TBC1D15: variants seen among roughly 807,000 people sequenced by gnomAD.
The protein encoded by TBC1D15 is GAP for RAB7.
TBC1D15 carries 39 observed loss-of-function variants against 95.4 expected under a neutral mutation model. That is an observed-to-expected ratio of 0.41 (90% confidence interval 0.32 to 0.53). The LOEUF (loss-of-function observed/expected upper bound fraction) is 0.53. Ranked by LOEUF, TBC1D15 falls within the 20% of genes least tolerant of loss-of-function variation. TBC1D15 has a pLI of 0.29. For missense variants in TBC1D15, 733 were observed against 794.3 expected, an observed-to-expected ratio of 0.92 and a Z score of 0.93; for synonymous variants, 258 against 261.3, an observed-to-expected ratio of 0.99 and a Z score of 0.12.
At chr12:71,896,138 T>C in intron 8 of TBC1D15, 63 bp downstream of exon 8, 1 of 1,448,234 alleles carries the variant, frequency 6.9e-7, no homozygotes, top group South Asian at 1.5e-5. Context: ...GTTTTGTTGT[T>C]ATCGTTACTG....
chr12:71,917,570 A>AT, intron 12 of TBC1D15, 128 bp from the exon 13 acceptor site: 1 of 531,146 alleles, frequency 1.9e-6, no homozygotes, highest in Non-Finnish European at 3.1e-6. Context: ...TTAGTTACGC[A>AT]TTTTTTAAGA....
rs148007091 is a variant in TBC1D15 at position 71,880,497 on chromosome 12, A to T, written c.233A>T (p.Gln78Leu). Residue 78 changes from glutamine to leucine, a missense_variant, in exon 4 of 17, where the codon CAG (glutamine) becomes CTG (leucine). Gln to Leu is a moderately radical substitution (Grantham distance 113). Coordinates refer to ENST00000485960, the MANE Select transcript of TBC1D15 (RefSeq NM_001146213.3). ...KDSSSVVEWT[Q>L]APKERGHRGS... Reference sequence around the variant, plus strand: ...TCCAGTTCAGTTGTAGAATGGACTCAGGCCCCAAAAGAAAGAGGTCATCGA... The same window carrying T: ...TCCAGTTCAGTTGTAGAATGGACTCTGGCCCCAAAAGAAAGAGGTCATCGA... 1.4e-5 allele frequency: 22 copies of T among 1,606,926 alleles called. No homozygotes were observed. Among genetic ancestry groups the T allele is most frequent in the Non-Finnish European group, 1.9e-5 (22 of 1,175,718 alleles).
chr12:71,920,350 CT>C (rs1040706581), intron 14 of TBC1D15, among the ~76,000 whole-genome samples: 2 of 152,066 alleles, frequency 1.3e-5, no homozygotes, highest in Non-Finnish European at 2.9e-5. Context: ...TAGCTTTAGT[CT>C]TTTCTCAGAT....
At chr12:71,868,639 G>GA (rs535183442) in intron 1 of TBC1D15, among the ~76,000 whole-genome samples, 2 of 151,558 alleles carry the variant, frequency 1.3e-5, no homozygotes, top group Non-Finnish European at 2.9e-5. Flanking sequence ...TTTCTTAAGT[G>GA]AAAAAAAATA....
In TBC1D15 at chr12:71,894,704, T is replaced by C. The variant is rs1222225435; in HGVS notation, c.676T>C (p.Tyr226His). The change falls in exon 7 of 17, where the codon TAT (tyrosine) becomes CAT (histidine). Residue 226 changes from tyrosine to histidine, a missense_variant. By Grantham distance (83) the Tyr-to-His change is moderately conservative. Transcript: ENST00000485960. ...TGCATAGAAAATTAAAAAGGACCCT[T>C]ATACGGCAACTATGATAGGATTTTC... ...GLIQKIKKDP[Y>H]TATMIGFSKV... 1 of 1,612,922 alleles carries C rather than the reference T, an allele frequency of 6.2e-7. No individual in the cohort carries two copies. Among genetic ancestry groups the C allele is most frequent in the East Asian group, 2.2e-5 (1 of 44,844 alleles).
At position 71,920,795 on chromosome 12, in the gene TBC1D15, C is replaced by G; in HGVS notation, c.1664C>G (p.Ser555Ter). ...HLLLCCAILE[S>*]EKQQIMEKHY... ...CTTCTCTGTTGTGCTATTCTGGAATCAGAAAAGCAGCAAATAATGGAAAAG... is the reference window on the plus strand; with the variant it reads ...CTTCTCTGTTGTGCTATTCTGGAATGAGAAAAGCAGCAAATAATGGAAAAG... The change falls in exon 15 of 17, where the codon TCA (serine) becomes TGA (stop). Residue 555 changes from serine to a stop codon, truncating the protein, a stop_gained. Coordinates refer to ENST00000485960, the MANE Select transcript of TBC1D15 (RefSeq NM_001146213.3). LOFTEE classifies it high-confidence loss of function. The G allele has an allele frequency of 6.2e-7, 1 of 1,612,536 alleles. No homozygotes were observed. The highest frequency in any genetic ancestry group is 8.5e-7 in the Non-Finnish European group (1 of 1,179,370).
chr12:71,910,145 C>T (rs1432876743), intron 11 of TBC1D15, among the ~76,000 whole-genome samples: 3 of 151,904 alleles, frequency 2.0e-5, no homozygotes, highest in Non-Finnish European at 4.4e-5. Context: ...TTGTTTTTCT[C>T]AGGTTTGTCA....
At chr12:71,892,698 G>T (rs1416901781) in intron 5 of TBC1D15, among the ~76,000 whole-genome samples, 1 of 151,596 alleles carries the variant, frequency 6.6e-6, no homozygotes, top group African/African-American at 2.4e-5. Flanking sequence ...CATGATTAAT[G>T]ATCTTTATCA....
At chr12:71,903,399 ATGCT>A (rs1899912734) in intron 10 of TBC1D15, among the ~76,000 whole-genome samples, 1 of 152,214 alleles carries the variant, frequency 6.6e-6, no homozygotes, top group Non-Finnish European at 1.5e-5. Flanking sequence ...AGAAAAGGGA[ATGCT>A]TATACAGTGC....
At chr12:71,905,777 T>C (rs1900540692) in intron 10 of TBC1D15, among the ~76,000 whole-genome samples, 1 of 152,202 alleles carries the variant, frequency 6.6e-6, no homozygotes, top group Non-Finnish European at 1.5e-5. Context: ...AGCTAAAATA[T>C]TTGAATAATT....
intron 10 of TBC1D15, among the ~76,000 whole-genome samples, chr12:71,906,757 A>G (rs1441000253): frequency 6.6e-6 from 1 of 152,050 alleles, no homozygotes; most frequent in Non-Finnish European, 1.5e-5. Flanking sequence ...GTTTTCCACT[A>G]TGCAGTTAAA....
At chr12:71,858,595 T>C (rs1889679995) in intron 1 of TBC1D15, among the ~76,000 whole-genome samples, 1 of 148,116 alleles carries the variant, frequency 6.8e-6, no homozygotes, top group Admixed American at 6.7e-5. Flanking sequence ...TCTTTGTTGC[T>C]CAGGCTGGAG....
At chr12:71,856,538 T>C (rs328783) in intron 1 of TBC1D15, among the ~76,000 whole-genome samples, 4,085 of 152,300 alleles carry the variant, frequency 0.027, 182 homozygotes, top group African/African-American at 0.092. Context: ...TGATTGTAAT[T>C]TCCATTGACC....
Position 71,894,776 on chromosome 12 carries a change from T to C in TBC1D15, c.748T>C (p.Ser250Pro). ...TGACAGTTTGAGAGGCAGCGATCCCTCTACACATCAACGACCACCTTCAGA... is the reference window on the plus strand; with the variant it reads ...TGACAGTTTGAGAGGCAGCGATCCCCCTACACATCAACGACCACCTTCAGA... ...IFDSLRGSDP[S>P]THQRPPSEMA... is the part of the protein sequence containing the mutation. Residue 250 changes from serine to proline, a missense_variant, in exon 7 of 17, where the codon TCT becomes CCT. Coordinates refer to ENST00000485960, the MANE Select transcript of TBC1D15 (RefSeq NM_001146213.3). The C allele has an allele frequency of 3.1e-6, 5 of 1,613,394 alleles. No homozygotes were observed. The highest frequency in any genetic ancestry group is 4.2e-6 in the Non-Finnish European group (5 of 1,179,468).
At chr12:71,907,208 A>T in intron 11 of TBC1D15, 70 bp downstream of exon 11, 1 of 935,388 alleles carries the variant, frequency 1.1e-6, no homozygotes, top group Non-Finnish European at 1.6e-6. Flanking sequence ...TTTTTAATCC[A>T]GTTAGACATG....
At chr12:71,859,928 T>G (rs1438664998) in intron 1 of TBC1D15, among the ~76,000 whole-genome samples, 3 of 152,152 alleles carry the variant, frequency 2.0e-5, no homozygotes, top group Non-Finnish European at 4.4e-5. Context: ...CCATTTTGAG[T>G]TGATTTTTGT....
chr12:71,844,570 A>T (rs1885850283), intron 1 of TBC1D15, among the ~76,000 whole-genome samples: 1 of 152,138 alleles, frequency 6.6e-6, no homozygotes, highest in African/African-American at 2.4e-5. Context: ...TCTAGGTAAG[A>T]TAGCATTTAT....
At chr12:71,867,401 G>A (rs1206817655) in intron 1 of TBC1D15, among the ~76,000 whole-genome samples, 1 of 152,182 alleles carries the variant, frequency 6.6e-6, no homozygotes, top group Admixed American at 6.5e-5. Flanking sequence ...TTTCCTGGCA[G>A]TTCTTTCCTC....
At chr12:71,916,417 T>G (rs1903719635) in intron 12 of TBC1D15, among the ~76,000 whole-genome samples, 1 of 152,190 alleles carries the variant, frequency 6.6e-6, no homozygotes, top group African/African-American at 2.4e-5. Context: ...ATTCTGCCCC[T>G]TCTCTATAGA....
Sources: gnomAD v4.1 joint callset for allele counts (sites outside exome capture counted in the v4.1 genomes callset) on GRCh38, gnomAD v4.1.1 for gene constraint, MANE v1.5 for transcripts, NCBI Gene and HGNC (gene_info 2026-07-23, HGNC 2026-07-21) for gene names.